The following LBH variants were observed in gnomAD, a reference collection of about 807,000 sequenced individuals.
The protein encoded by LBH is protein LBH.
LBH carries 7 observed loss-of-function variants against 12.5 expected under a neutral mutation model. The observed-to-expected ratio is 0.56, with a 90% confidence interval of 0.32 to 1.05. The LOEUF (loss-of-function observed/expected upper bound fraction) is 1.05. Among genes scored for constraint, LBH ranks in the 50% least tolerant of loss-of-function variants. The pLI, the probability that LBH is intolerant of heterozygous loss-of-function variation, is 0.04. For synonymous variants in LBH, 51 were observed against 50.1 expected, an observed-to-expected ratio of 1.02 and a Z score of -0.08; for missense variants, 119 against 138.9, an observed-to-expected ratio of 0.86 and a Z score of 0.72.
intron 2 of LBH, among the ~76,000 whole-genome samples, chr2:30,250,966 A>G (rs1006517074): frequency 6.6e-6 from 1 of 151,902 alleles, no homozygotes; most frequent in African/African-American, 2.4e-5. Flanking sequence ...TGATATTTAT[A>G]GTATATAATA....
At chr2:30,250,310 C>A (rs966794103) in intron 2 of LBH, among the ~76,000 whole-genome samples, 6 of 151,908 alleles carry the variant, frequency 3.9e-5, no homozygotes, top group African/African-American at 1.2e-4. Context: ...CTCTTTCCAC[C>A]TTTGCAAAAA....
chr2:30,238,635 C>G (rs1164538237), intron 2 of LBH, among the ~76,000 whole-genome samples: 1 of 152,196 alleles, frequency 6.6e-6, no homozygotes, highest in Non-Finnish European at 1.5e-5. Context: ...CCCTTCATTC[C>G]CCAGGTGGGA....
chr2:30,248,769 G>C (rs1330091601), intron 2 of LBH, among the ~76,000 whole-genome samples: 1 of 152,236 alleles, frequency 6.6e-6, no homozygotes, highest in Non-Finnish European at 1.5e-5. Flanking sequence ...TGGGCCCAGA[G>C]TTAGCAGTAG....
intron 2 of LBH, among the ~76,000 whole-genome samples, chr2:30,250,513 T>G (rs1677960391): frequency 6.6e-6 from 1 of 151,566 alleles, no homozygotes; most frequent in Admixed American, 6.6e-5. Context: ...GGCTGAGAGA[T>G]GCACACTCAG....
chr2:30,252,273 C>T (rs1421506785), intron 2 of LBH, among the ~76,000 whole-genome samples: 2 of 152,166 alleles, frequency 1.3e-5, no homozygotes, highest in East Asian at 3.9e-4. Context: ...TCTCTCCTGC[C>T]ACCTTGTGAA....
chr2:30,233,364 C>T (rs1677626557), intron 1 of LBH, among the ~76,000 whole-genome samples: 1 of 152,202 alleles, frequency 6.6e-6, no homozygotes, highest in Non-Finnish European at 1.5e-5. Context: ...AGCCTAGAAC[C>T]TATTGCTTCT....
At chr2:30,249,449 G>C (rs1445598742) in intron 2 of LBH, among the ~76,000 whole-genome samples, 2 of 152,198 alleles carry the variant, frequency 1.3e-5, no homozygotes, top group African/African-American at 2.4e-5. Flanking sequence ...TTCTCCAGGA[G>C]AAGTAAGAAA....
intron 1 of LBH, chr2:30,232,214 C>T (rs554383187): frequency 6.6e-5 from 99 of 1,508,128 alleles, no homozygotes; most frequent in African/African-American, 2.5e-4. Context: ...CTGGTGCGGC[C>T]GCAGGGTTTG....
chr2:30,250,373 C>T (rs923486317), intron 2 of LBH, among the ~76,000 whole-genome samples: 1 of 151,932 alleles, frequency 6.6e-6, no homozygotes, highest in African/African-American at 2.4e-5. Flanking sequence ...TGGTCATTAG[C>T]CCTTTGTGTC....
intron 1 of LBH, 129 bp from the exon 2 acceptor site, chr2:30,234,276 A>G: frequency 1.4e-6 from 1 of 730,720 alleles, no homozygotes; most frequent in Non-Finnish European, 2.4e-6. Context: ...GTTTTGCTGC[A>G]AGTTCTGTTT....
In LBH at chr2:30,257,641, G is replaced by A. The variant is rs1333865639; in HGVS notation, c.*20G>A. On this transcript the variant is annotated 3_prime_UTR_variant, in exon 3 of 3. Transcript: ENST00000395323. The stretch of plus-strand genomic sequence containing the variant: ...CAGTAGAGTCCCTGTGGACTCCCAT[G>A]GGTCATACCAGCCAGCATCTGTTCC... 1 of 1,552,286 alleles carries A rather than the reference G, an allele frequency of 6.4e-7. No homozygotes were observed. The highest frequency in any genetic ancestry group is 1.2e-5 in the South Asian group (1 of 85,124).
chr2:30,257,779 T>C lies in LBH; in HGVS notation c.*158T>C, dbSNP rs906079260. 3.6e-6 allele frequency: 2 copies of C among 555,354 alleles called. No homozygotes were observed. The highest frequency in any genetic ancestry group is 6.0e-6 in the Non-Finnish European group (2 of 331,992). The allele number at this position is 555,354 out of a possible 1,614,324, so 34.4% of individuals were successfully genotyped here. A position where few individuals can be genotyped will look rare whatever the true frequency, so the allele number is the denominator to read the frequency against. ...GCAGATCACCGAGTTGGTTTTCTTTTCTTTTCTTGCCTTTTTTTTTTTTTG... is the reference window on the plus strand; with the variant it reads ...GCAGATCACCGAGTTGGTTTTCTTTCCTTTTCTTGCCTTTTTTTTTTTTTG... On this transcript the variant is annotated 3_prime_UTR_variant, in exon 3 of 3. Coordinates refer to ENST00000395323, the MANE Select transcript of LBH (RefSeq NM_030915.4).
At chr2:30,232,154 T>C (rs1222974723) in intron 1 of LBH, 1 of 1,536,250 alleles carries the variant, frequency 6.5e-7, no homozygotes, top group East Asian at 2.5e-5. Flanking sequence ...TCTTTTTCTT[T>C]TTGTTTGCAT....
chr2:30,254,670 CT>C (rs1191889712), intron 2 of LBH, among the ~76,000 whole-genome samples: 1 of 144,112 alleles, frequency 6.9e-6, no homozygotes, highest in East Asian at 2.5e-4. Context: ...ATGCCTTTTG[CT>C]TTTCCTTGGC....
At chr2:30,252,112 A>G (rs762895111) in intron 2 of LBH, among the ~76,000 whole-genome samples, 1 of 152,202 alleles carries the variant, frequency 6.6e-6, no homozygotes, top group Non-Finnish European at 1.5e-5. Context: ...TGTAGTTCCC[A>G]TAATCCCCTT....
At chr2:30,236,667 C>T (rs923288392) in intron 2 of LBH, among the ~76,000 whole-genome samples, 1 of 152,210 alleles carries the variant, frequency 6.6e-6, no homozygotes, top group African/African-American at 2.4e-5. Context: ...GTGCTGGCCT[C>T]TGTGCCCAGG....
intron 1 of LBH, among the ~76,000 whole-genome samples, chr2:30,233,321 C>T (rs1178289442): frequency 6.6e-6 from 1 of 152,180 alleles, no homozygotes; most frequent in East Asian, 1.9e-4. Context: ...AGTTACAGGA[C>T]CTGTTCAAGA....
chr2:30,252,648 C>A (rs987991467), intron 2 of LBH, among the ~76,000 whole-genome samples: 1 of 150,836 alleles, frequency 6.6e-6, no homozygotes, highest in African/African-American at 2.4e-5. Flanking sequence ...GGTGACAGAG[C>A]GAGACTCCGT....
At chr2:30,232,264 C>T in intron 1 of LBH, 1 of 1,511,208 alleles carries the variant, frequency 6.6e-7, no homozygotes, top group African/African-American at 1.4e-5. Flanking sequence ...ACGCTCTCCC[C>T]ACACGTAACC....
Sources: allele counts gnomAD v4.1 joint callset (sites outside exome capture counted in the v4.1 genomes callset), GRCh38; gene constraint gnomAD v4.1.1; transcripts MANE v1.5; gene names NCBI Gene and HGNC (gene_info 2026-07-23, HGNC 2026-07-21).